The following RBPMS2 variants were observed in gnomAD, a reference collection of about 807,000 sequenced individuals.
The protein encoded by RBPMS2 is RNA-binding protein with multiple splicing 2.
RBPMS2 carries 14 observed loss-of-function variants against 25.7 expected under a neutral mutation model. That is an observed-to-expected ratio of 0.55 (90% confidence interval 0.36 to 0.85). The LOEUF (loss-of-function observed/expected upper bound fraction) is 0.85, where lower values mean the gene tolerates loss of function less well. Among genes scored for constraint, RBPMS2 ranks in the 40% least tolerant of loss-of-function variants. The pLI, the probability that RBPMS2 is intolerant of heterozygous loss-of-function variation, is 0.01. For synonymous variants in RBPMS2, 127 were observed against 115.6 expected, an observed-to-expected ratio of 1.10 and a Z score of -0.63; for missense variants, 252 against 283.4, an observed-to-expected ratio of 0.89 and a Z score of 0.80.
chr15:64,741,051 A>C, intron 7 of RBPMS2, 51 bp from the exon 8 acceptor site: 5 of 708,996 alleles, frequency 7.1e-6, no homozygotes, highest in Non-Finnish European at 1.2e-5. Flanking sequence ...GACTAGAGCT[A>C]AAGCCAGGCC....
intron 6 of RBPMS2, among the ~76,000 whole-genome samples, chr15:64,744,793 GT>G (rs797009588): frequency 1.9e-4 from 11 of 57,796 alleles, no homozygotes; most frequent in South Asian, 1.3e-3. Flanking sequence ...TTTTTGGTTT[GT>G]TTTGTTTTTT....
chr15:64,766,786 C>T (rs917397011), intron 1 of RBPMS2, among the ~76,000 whole-genome samples: 2 of 152,116 alleles, frequency 1.3e-5, no homozygotes, highest in Non-Finnish European at 2.9e-5. Context: ...GCCTCAGCCT[C>T]CCAAAGTGCT....
In RBPMS2 at chr15:64,750,576, T is replaced by C. The variant is rs896112936; in HGVS notation, c.166-195A>G. Reference sequence around the variant, plus strand: ...GTTCTGAATCACGCGGTCTAGCACATAGGGTGGGCATCACGCGGCAGCACT... The same window carrying C: ...GTTCTGAATCACGCGGTCTAGCACACAGGGTGGGCATCACGCGGCAGCACT... On this transcript the variant is annotated intron_variant, in intron 2 of 7. Coordinates refer to ENST00000300069, the MANE Select transcript of RBPMS2 (RefSeq NM_194272.3). 2.0e-5 allele frequency among the ~76,000 whole-genome samples: 3 copies of C among 152,132 alleles called. No individual in the cohort carries two copies. In the South Asian group the frequency reaches 6.2e-4, roughly 32 times the overall value.
chr15:64,748,977 T>C lies in RBPMS2; in HGVS notation c.418+23A>G, dbSNP rs779964911. On this transcript the variant is annotated intron_variant, in intron 5 of 7. Transcript: ENST00000300069. ...CCCTGAATGCAACTCCATGAGGGCC[T>C]GCCAGCTCAGAGTGCCACTCACAGG... is the stretch of plus-strand genomic sequence containing the variant. 1.9e-6 allele frequency: 3 copies of C among 1,613,434 alleles called. No individual in the cohort carries two copies. In the East Asian group the frequency reaches 6.7e-5, roughly 36 times the overall value.
chr15:64,771,929 A>T (rs2083895580), intron 1 of RBPMS2, among the ~76,000 whole-genome samples: 1 of 152,238 alleles, frequency 6.6e-6, no homozygotes, highest in African/African-American at 2.4e-5. Flanking sequence ...ACTGCACTCC[A>T]GCCTGGGTGA....
chr15:64,745,144 T>C (rs2083606834), intron 6 of RBPMS2, among the ~76,000 whole-genome samples: 1 of 152,178 alleles, frequency 6.6e-6, no homozygotes, highest in Admixed American at 6.5e-5. Flanking sequence ...AGATTAAATA[T>C]GTATTGCAGT....
At chr15:64,761,561 C>G (rs1334321566) in intron 1 of RBPMS2, among the ~76,000 whole-genome samples, 1 of 152,182 alleles carries the variant, frequency 6.6e-6, no homozygotes. Context: ...TTTTTTGAGA[C>G]AGGGTCTTGC....
intron 6 of RBPMS2, 21 bp downstream of exon 6, chr15:64,748,397 TC>T (rs1037884453): frequency 2.3e-5 from 37 of 1,610,074 alleles, no homozygotes; most frequent in African/African-American, 5.4e-5. Context: ...TTCTTCGCCC[TC>T]CCCAACCTTA....
rs143163835 is a variant in RBPMS2 at position 64,754,507 on chromosome 15, G to T, written c.88-2869C>A. Reference sequence around the variant, plus strand: ...CATGCCTATAATCCCAGCTACAAGGGATGCTGAGGTAGGAGAATCACTTGA... The same window carrying T: ...CATGCCTATAATCCCAGCTACAAGGTATGCTGAGGTAGGAGAATCACTTGA... On this transcript the variant is annotated intron_variant, in intron 1 of 7. Coordinates refer to ENST00000300069, the MANE Select transcript of RBPMS2 (RefSeq NM_194272.3). Among the ~76,000 whole-genome samples the T allele has an allele frequency of 3.3e-3, 505 of 151,820 alleles. 1 individual carries two copies. The highest frequency in any genetic ancestry group is 5.8e-3 in the Admixed American group (88 of 15,250).
At chr15:64,756,135 C>G (rs72744738) in intron 1 of RBPMS2, among the ~76,000 whole-genome samples, 7,323 of 151,670 alleles carry the variant, frequency 0.048, 230 homozygotes, top group South Asian at 0.088. Flanking sequence ...TGGAGACCTC[C>G]CCCATCTCTA....
At chr15:64,758,874 C>G (rs1348891756) in intron 1 of RBPMS2, among the ~76,000 whole-genome samples, 1 of 152,060 alleles carries the variant, frequency 6.6e-6, no homozygotes, top group Non-Finnish European at 1.5e-5. Flanking sequence ...TTCTTGAGCT[C>G]TCTCCCGCCA....
chr15:64,746,681 C>A (rs2083620213), intron 6 of RBPMS2, among the ~76,000 whole-genome samples: 2 of 152,212 alleles, frequency 1.3e-5, no homozygotes, highest in African/African-American at 4.8e-5. Flanking sequence ...CCTGGCTGGG[C>A]AGAGGTGCCC....
At chr15:64,748,933 G>T in intron 5 of RBPMS2, 67 bp downstream of exon 5, 1 of 1,565,342 alleles carries the variant, frequency 6.4e-7, no homozygotes. Flanking sequence ...GCTTCCCTCT[G>T]CAAGAGCCTG....
intron 1 of RBPMS2, among the ~76,000 whole-genome samples, chr15:64,769,909 G>A (rs188833582): frequency 4.0e-5 from 6 of 151,668 alleles, no homozygotes; most frequent in African/African-American, 1.5e-4. Flanking sequence ...GGCTGGGCGC[G>A]GTGGCTCACG....
Position 64,744,817 on chromosome 15 carries a change from T to G in RBPMS2, c.568-3575A>C, listed in dbSNP as rs1406426628. 3.0e-3 allele frequency among the ~76,000 whole-genome samples: 345 copies of G among 115,470 alleles called. 6 individuals carry two copies. Among genetic ancestry groups the G allele is most frequent in the Middle Eastern group, 0.028 (7 of 250 alleles). The allele number at this position is 115,470 out of a possible 152,430, so 75.8% of individuals were successfully genotyped here. A position where few individuals can be genotyped will look rare whatever the true frequency, so the allele number is the denominator to read the frequency against. ...TGTTTTGTTTTTTTTTTTTTTTTTTTTTTTTTTTTTTTTTTGAGACAGAGT... is the reference window on the plus strand; with the variant it reads ...TGTTTTGTTTTTTTTTTTTTTTTTTGTTTTTTTTTTTTTTTGAGACAGAGT... On this transcript the variant is annotated intron_variant, in intron 6 of 7. Coordinates refer to ENST00000300069, the MANE Select transcript of RBPMS2 (RefSeq NM_194272.3).
intron 1 of RBPMS2, among the ~76,000 whole-genome samples, chr15:64,773,317 G>A (rs1024344679): frequency 4.3e-4 from 66 of 152,164 alleles, no homozygotes; most frequent in African/African-American, 1.6e-3. Context: ...ACTAGGCCAG[G>A]GCTTGGGGAA....
chr15:64,768,868 AGGTG>A (rs967368341), intron 1 of RBPMS2, among the ~76,000 whole-genome samples: 2 of 151,424 alleles, frequency 1.3e-5, no homozygotes, highest in African/African-American at 4.8e-5. Context: ...TGGGAGGCCA[AGGTG>A]GGTGGATCAC....
intron 4 of RBPMS2, 98 bp downstream of exon 4, chr15:64,749,333 G>A (rs569714944): frequency 7.4e-7 from 1 of 1,345,948 alleles, no homozygotes; most frequent in African/African-American, 1.4e-5. Flanking sequence ...GTGTCGCCAA[G>A]GACTCTGCCC....
At chr15:64,748,273 C>G (rs1177932535) in intron 6 of RBPMS2, 146 bp downstream of exon 6, 1 of 846,764 alleles carries the variant, frequency 1.2e-6, no homozygotes, top group Non-Finnish European at 1.8e-6. Context: ...CAAATAGGTC[C>G]CTGGGGTCTG....
Sources: gnomAD v4.1 joint callset for allele counts (sites outside exome capture counted in the v4.1 genomes callset) on GRCh38, gnomAD v4.1.1 for gene constraint, MANE v1.5 for transcripts, NCBI Gene and HGNC (gene_info 2026-07-23, HGNC 2026-07-21) for gene names.